Variants in KLHL5 observed in about 807,000 individuals in gnomAD.
KLHL5 encodes kelch-like protein 5.
A neutral mutation model predicts 77.7 loss-of-function variants in KLHL5; 48 were observed. That is an observed-to-expected ratio of 0.62 (90% CI 0.49 to 0.79). The LOEUF (loss-of-function observed/expected upper bound fraction) is 0.79. Among genes scored for constraint, KLHL5 ranks in the 30% least tolerant of loss-of-function variants. The pLI, the probability that KLHL5 is intolerant of heterozygous loss-of-function variation, is 0.00. For missense variants in KLHL5, 723 were observed against 859.7 expected (o/e 0.84, Z 1.99); for synonymous variants, 260 against 297.0 (o/e 0.88, Z 1.28).
intron 5 of KLHL5, among the ~76,000 whole-genome samples, chr4:39,091,801 GCTGAGACTACAGTCA>G (rs973113256): frequency 2.2e-4 from 32 of 148,142 alleles, no homozygotes; most frequent in Non-Finnish European, 7.4e-5. Flanking sequence ...CTCTCGAGTA[GCTGAGACTACAGTCA>G]CTGTGCCCCA....
intron 7 of KLHL5, among the ~76,000 whole-genome samples, chr4:39,107,196 C>T (rs964674692): frequency 5.9e-4 from 89 of 151,980 alleles, no homozygotes; most frequent in African/African-American, 2.0e-3. Flanking sequence ...TACAGGTGCC[C>T]GCCACCATGC....
At chr4:39,113,758 T>G (rs938781181) in intron 9 of KLHL5, among the ~76,000 whole-genome samples, 16 of 151,930 alleles carry the variant, frequency 1.1e-4, no homozygotes, top group African/African-American at 3.9e-4. Context: ...GGTGGTACAA[T>G]CAATAGGAGC....
At chr4:39,068,801 A>G (rs1184556138) in intron 1 of KLHL5, among the ~76,000 whole-genome samples, 1 of 152,056 alleles carries the variant, frequency 6.6e-6, no homozygotes, top group Non-Finnish European at 1.5e-5. Flanking sequence ...AGAATCAGAT[A>G]TATTAGGCAT....
At chr4:39,101,492 T>C (rs1721539409) in intron 6 of KLHL5, among the ~76,000 whole-genome samples, 2 of 151,982 alleles carry the variant, frequency 1.3e-5, no homozygotes, top group South Asian at 4.1e-4. Context: ...AGAAAAAGTA[T>C]TCAAACATAT....
intron 6 of KLHL5, among the ~76,000 whole-genome samples, chr4:39,101,126 T>TATACATATATATATATATATCTA (rs1553892884): frequency 2.2e-5 from 3 of 134,844 alleles, no homozygotes; most frequent in Non-Finnish European, 4.7e-5. Flanking sequence ...TATTTGGATT[T>TATACATATATATATATATATCTA]TATATATATA....
At chr4:39,044,973 T>C, upstream of KLHL5, 1 of 988,226 alleles carries the variant, frequency 1.0e-6, no homozygotes, top group Non-Finnish European at 1.2e-6. Flanking sequence ...GGACAGGGTC[T>C]AGGGGCGCGC....
chr4:39,050,400 G>A (rs573241849), intron 1 of KLHL5, among the ~76,000 whole-genome samples: 1 of 152,290 alleles, frequency 6.6e-6, no homozygotes, highest in African/African-American at 2.4e-5. Flanking sequence ...CAAAGCAACT[G>A]GCACCAATAA....
In KLHL5 at chr4:39,075,947, G is replaced by GTTTTT; in HGVS notation, c.384-13_384-9dup. On this transcript the variant is annotated splice_polypyrimidine_tract_variant and intron_variant, in intron 1 of 10. Transcript: ENST00000504108. Reference sequence around the variant, plus strand: ...GTGATAGTGATATTTCAAAATGTGTGTTTTTTTTTCTTTTCAGGACTTCCA... The same window carrying GTTTTT: ...GTGATAGTGATATTTCAAAATGTGTGTTTTTTTTTTTTTTCTTTTCAGGACTTCCA... The GTTTTT allele has an allele frequency of 1.9e-6, 3 of 1,546,988 alleles. No individual in the cohort carries two copies. The highest frequency in any genetic ancestry group is 8.8e-7 in the Non-Finnish European group (1 of 1,138,932).
At chr4:39,096,581 C>G in intron 5 of KLHL5, 111 bp from the exon 6 acceptor site, 1 of 708,678 alleles carries the variant, frequency 1.4e-6, no homozygotes, top group Non-Finnish European at 2.3e-6. Flanking sequence ...TGTGCCTATG[C>G]TTGAATTTTT....
chr4:39,129,281 C>T (rs1389231799), downstream of KLHL5, among the ~76,000 whole-genome samples: 1 of 150,790 alleles, frequency 6.6e-6, no homozygotes, highest in African/African-American at 2.4e-5. The surrounding 1 kb of genome is among the most constrained non-coding windows in gnomAD (Gnocchi z 4.2). Flanking sequence ...AATCTCGGCT[C>T]ACTGCAACCT....
chr4:39,065,248 C>T (rs1203895823), intron 1 of KLHL5, among the ~76,000 whole-genome samples: 1 of 152,054 alleles, frequency 6.6e-6, no homozygotes, highest in African/African-American at 2.4e-5. Context: ...CATTTATTTG[C>T]CCTCAGCTTT....
At chr4:39,071,196 G>A (rs1333066059) in intron 1 of KLHL5, among the ~76,000 whole-genome samples, 1 of 151,978 alleles carries the variant, frequency 6.6e-6, no homozygotes, top group Non-Finnish European at 1.5e-5. Flanking sequence ...CCTATACCTA[G>A]CAACTTGTAG....
chr4:39,105,741 C>T (rs1177529820), intron 7 of KLHL5, among the ~76,000 whole-genome samples: 2 of 14,268 alleles, frequency 1.4e-4, no homozygotes, highest in East Asian at 5.7e-3. Context: ...TATGTATACA[C>T]ACACACACAC....
intron 5 of KLHL5, among the ~76,000 whole-genome samples, chr4:39,094,601 A>T (rs942573611): frequency 6.6e-6 from 1 of 151,976 alleles, no homozygotes; most frequent in Admixed American, 6.5e-5. Flanking sequence ...TGGGTATCAG[A>T]ATATGCTATA....
chr4:39,128,948 C>T (rs1723684814), downstream of KLHL5, among the ~76,000 whole-genome samples: 1 of 151,776 alleles, frequency 6.6e-6, no homozygotes, highest in Non-Finnish European at 1.5e-5. Context: ...GAGACCTTGC[C>T]TCAAAAAATA....
chr4:39,126,892 G>A, downstream of KLHL5: 1 of 376,708 alleles, frequency 2.7e-6, no homozygotes, highest in Non-Finnish European at 5.2e-6. Flanking sequence ...TCTCCGGAAT[G>A]AATGTGTGTC....
chr4:39,110,005 A>G (rs1400571152), intron 8 of KLHL5, among the ~76,000 whole-genome samples: 1 of 152,134 alleles, frequency 6.6e-6, no homozygotes, highest in Non-Finnish European at 1.5e-5. Context: ...ACAGAAAGAA[A>G]CCTTATTTAG....
the KLHL5 span, among the ~76,000 whole-genome samples, chr4:39,136,168 T>C: frequency 6.7e-6 from 1 of 148,236 alleles, no homozygotes; most frequent in East Asian, 2.0e-4. Context: ...TTAATAATAA[T>C]AATTTTTTTT....
At chr4:39,096,574 G>A (rs1240149807) in intron 5 of KLHL5, 118 bp from the exon 6 acceptor site, 2 of 646,754 alleles carry the variant, frequency 3.1e-6, no homozygotes, top group Non-Finnish European at 2.7e-6. Flanking sequence ...AAAAATATGT[G>A]CCTATGCTTG....
Sources: gnomAD v4.1 joint callset for allele counts (sites outside exome capture counted in the v4.1 genomes callset) on GRCh38, gnomAD v4.1.1 for gene constraint, Gnocchi (gnomAD v3.1) non-coding constraint, MANE v1.5 for transcripts, NCBI Gene and HGNC (gene_info 2026-07-23, HGNC 2026-07-21) for gene names.